The following SYT1 variants were observed in gnomAD, a reference collection of about 807,000 sequenced individuals.
The protein encoded by SYT1 is synaptotagmin 1.
Under a neutral mutation model 44.8 loss-of-function variants are expected in SYT1, and 8 were observed. The ratio of observed to expected loss-of-function variants is 0.18; its 90% CI spans 0.10 to 0.32. The LOEUF is 0.32. Ranked by LOEUF, SYT1 falls within the 10% of genes least tolerant of loss-of-function variation. The pLI, the probability that SYT1 is intolerant of heterozygous loss-of-function variation, is 1.00. For synonymous variants in SYT1, 154 were observed against 188.8 expected (o/e 0.82, Z 1.51); for missense variants, 286 against 509.3 (o/e 0.56, Z 4.22).
At chr12:79,249,233 T>C (rs1444783878) in intron 4 of SYT1, among the ~76,000 whole-genome samples, 1 of 150,998 alleles carries the variant, frequency 6.6e-6, no homozygotes, top group Non-Finnish European at 1.5e-5. Context: ...GCTTCCCGAG[T>C]AGCTGGGACT....
At position 78,961,659 on chromosome 12, in the gene SYT1, A is replaced by C. The variant is rs530582950; in HGVS notation, c.-216-16140A>C. Among the ~76,000 whole-genome samples, 42 of 152,272 alleles carry C rather than the reference A, an allele frequency of 2.8e-4. 2 individuals are homozygous for C. The South Asian group carries it at 8.7e-3, about 32-fold the overall frequency. On this transcript the variant is annotated intron_variant, in intron 1 of 10. Transcript: ENST00000261205. ...TAGTTATAGAATACATTGCTTAACA[A>C]TGAGCAATTCTTAGGCATTACTAAT...
chr12:79,345,102 G>T (rs891988739), intron 8 of SYT1, among the ~76,000 whole-genome samples: 2 of 152,068 alleles, frequency 1.3e-5, no homozygotes, highest in African/African-American at 4.8e-5. Flanking sequence ...CCTTATCTCA[G>T]CTCAGGTAAC....
intron 3 of SYT1, among the ~76,000 whole-genome samples, chr12:79,118,195 T>G (rs527615832): frequency 6.6e-6 from 1 of 152,302 alleles, no homozygotes; most frequent in East Asian, 1.9e-4. Flanking sequence ...CTTGTACTTG[T>G]GAACAGCATA....
chr12:79,027,360 T>C (rs1872598494), intron 2 of SYT1, among the ~76,000 whole-genome samples: 1 of 151,602 alleles, frequency 6.6e-6, no homozygotes. Context: ...GTTATATTGA[T>C]TCACTTTCTC....
At chr12:79,201,337 T>C (rs1282552226) in intron 3 of SYT1, among the ~76,000 whole-genome samples, 1 of 152,194 alleles carries the variant, frequency 6.6e-6, no homozygotes, top group African/African-American at 2.4e-5. Flanking sequence ...AGTTGATAAA[T>C]CTGAAAATAT....
At chr12:79,390,917 G>C (rs1236277754) in intron 9 of SYT1, among the ~76,000 whole-genome samples, 2 of 152,118 alleles carry the variant, frequency 1.3e-5, no homozygotes, top group Non-Finnish European at 2.9e-5. Context: ...CTACAGTCTA[G>C]ACTGGTTGCT....
At chr12:79,192,632 AC>A (rs749493149) in intron 3 of SYT1, among the ~76,000 whole-genome samples, 4 of 152,116 alleles carry the variant, frequency 2.6e-5, no homozygotes, top group Non-Finnish European at 4.4e-5. Context: ...GATGACCTTT[AC>A]CCTATAGCTA....
chr12:79,169,778 C>T (rs191226430), intron 3 of SYT1, among the ~76,000 whole-genome samples: 26 of 151,964 alleles, frequency 1.7e-4, no homozygotes, highest in African/African-American at 6.0e-4. Context: ...GTTTGTTGTA[C>T]AGATTATTTC....
intron 1 of SYT1, among the ~76,000 whole-genome samples, chr12:78,913,991 T>C (rs1236370682): frequency 6.6e-6 from 1 of 151,882 alleles, no homozygotes; most frequent in Non-Finnish European, 1.5e-5. Context: ...AAGTTTCAGT[T>C]TCTTCATTTG....
chr12:79,176,012 C>T (rs918372125), intron 3 of SYT1, among the ~76,000 whole-genome samples: 5 of 152,012 alleles, frequency 3.3e-5, no homozygotes, highest in Non-Finnish European at 5.9e-5. Context: ...CAGAGCGGGC[C>T]GGGTGTGGAG....
intron 3 of SYT1, among the ~76,000 whole-genome samples, chr12:79,133,980 C>T (rs1203228291): frequency 1.3e-5 from 2 of 152,126 alleles, no homozygotes; most frequent in South Asian, 2.1e-4. Flanking sequence ...CAGATTTTAT[C>T]TGTTATTCTT....
At position 79,073,937 on chromosome 12, in the gene SYT1, T is replaced by G. The variant is rs114708861; in HGVS notation, c.-18+26575T>G. Among the ~76,000 whole-genome samples, 877 of 152,298 alleles carry G rather than the reference T, an allele frequency of 5.8e-3. 10 individuals are homozygous for G. The highest frequency in any genetic ancestry group is 0.02 in the African/African-American group (843 of 41,564). On this transcript the variant is annotated intron_variant, in intron 3 of 10. Transcript: ENST00000261205. Reference sequence around the variant, plus strand: ...ATAATGAGCAACTTAATTCAGGCCTTATTTACCCTCACGTTGTCAATTTTG... The same window carrying G: ...ATAATGAGCAACTTAATTCAGGCCTGATTTACCCTCACGTTGTCAATTTTG...
rs560817826 is a variant in SYT1, at chr12:79,046,810, G to A, written c.-83-487G>A. Among the ~76,000 whole-genome samples the A allele has an allele frequency of 3.3e-5, 5 of 151,870 alleles. No homozygotes were observed. In the South Asian group the frequency reaches 1.0e-3, roughly 32 times the overall value. On this transcript the variant is annotated intron_variant, in intron 2 of 10. Transcript: ENST00000261205. ...GATATTGATTAGCTTCTGAAAATAG[G>A]CAAATATGTATAACATATTGAGGTG...
intron 3 of SYT1, among the ~76,000 whole-genome samples, chr12:79,171,840 A>G (rs762302033): frequency 2.6e-5 from 4 of 151,988 alleles, no homozygotes; most frequent in Non-Finnish European, 5.9e-5. Flanking sequence ...CGGTTTAATA[A>G]TAATGTATTC....
intron 1 of SYT1, among the ~76,000 whole-genome samples, chr12:78,934,500 G>T (rs1411101615): frequency 6.6e-6 from 1 of 152,100 alleles, no homozygotes; most frequent in Non-Finnish European, 1.5e-5. Flanking sequence ...TTGTGCCATT[G>T]CACTTTAGCC....
chr12:78,963,292 T>C (rs896402749), intron 1 of SYT1, among the ~76,000 whole-genome samples: 1 of 152,094 alleles, frequency 6.6e-6, no homozygotes, highest in African/African-American at 2.4e-5. Context: ...AAAATAAAAT[T>C]ACGGGCAACA....
intron 1 of SYT1, among the ~76,000 whole-genome samples, chr12:78,931,322 A>G (rs1592574989): frequency 3.7e-5 from 1 of 27,002 alleles, no homozygotes; most frequent in Non-Finnish European, 6.9e-5. Flanking sequence ...GGAGGGAGGG[A>G]GGGAGGGAGG....
intron 3 of SYT1, among the ~76,000 whole-genome samples, chr12:79,111,890 C>T (rs185914821): frequency 6.6e-6 from 1 of 151,956 alleles, no homozygotes; most frequent in African/African-American, 2.4e-5. Context: ...TTTACTACAC[C>T]GAAGTGTTTA....
intron 3 of SYT1, among the ~76,000 whole-genome samples, chr12:79,084,219 C>T (rs1431410834): frequency 3.3e-5 from 5 of 152,062 alleles, no homozygotes; most frequent in Non-Finnish European, 7.4e-5. Context: ...CTATATAAAA[C>T]AATTGTCACT....
Sources: allele counts gnomAD v4.1 joint callset (sites outside exome capture counted in the v4.1 genomes callset), GRCh38; gene constraint gnomAD v4.1.1; transcripts MANE v1.5; gene names NCBI Gene and HGNC (gene_info 2026-07-23, HGNC 2026-07-21).